Variants in IGFBP7 observed in about 807,000 individuals in gnomAD.
The protein encoded by IGFBP7 is insulin-like growth factor-binding protein 7.
IGFBP7 carries 31 observed loss-of-function variants against 29.4 expected under a neutral mutation model. The ratio of observed to expected loss-of-function variants is 1.05; its 90% CI spans 0.79 to 1.42. The LOEUF is 1.42. Among genes scored for constraint, IGFBP7 ranks in the 40% most tolerant of loss-of-function variants. IGFBP7 has a pLI of 0.00. For synonymous variants in IGFBP7, 172 were observed against 174.9 expected, an observed-to-expected ratio of 0.98 and a Z score of 0.13; for missense variants, 393 against 395.5, an observed-to-expected ratio of 0.99 and a Z score of 0.05.
chr4:57,093,589 A>G (rs1003938178), intron 1 of IGFBP7, among the ~76,000 whole-genome samples: 2 of 152,064 alleles, frequency 1.3e-5, no homozygotes, highest in African/African-American at 4.8e-5. Flanking sequence ...GCCAAACAGT[A>G]TTCTCATCAA....
intron 1 of IGFBP7, among the ~76,000 whole-genome samples, chr4:57,106,723 C>A (rs929835589): frequency 2.6e-5 from 4 of 152,022 alleles, no homozygotes; most frequent in African/African-American, 9.7e-5. Flanking sequence ...AATGGGATTG[C>A]CAAAGAGCTC....
At chr4:57,059,250 T>C (rs912568564) in intron 1 of IGFBP7, among the ~76,000 whole-genome samples, 5 of 152,300 alleles carry the variant, frequency 3.3e-5, no homozygotes, top group East Asian at 1.9e-4. Flanking sequence ...GCTGGATATA[T>C]ACCCAGAGGG....
At chr4:57,061,857 T>C (rs746005373) in intron 1 of IGFBP7, among the ~76,000 whole-genome samples, 1 of 152,110 alleles carries the variant, frequency 6.6e-6, no homozygotes, top group Non-Finnish European at 1.5e-5. Flanking sequence ...TGAGATAGGG[T>C]CTTGCTACGT....
intron 1 of IGFBP7, among the ~76,000 whole-genome samples, chr4:57,108,511 T>C (rs1276618556): frequency 6.6e-6 from 1 of 151,172 alleles, no homozygotes; most frequent in Non-Finnish European, 1.5e-5. Flanking sequence ...TGTATGTGCG[T>C]GTATTTGCAA....
At chr4:57,067,380 A>G (rs1264724123) in intron 1 of IGFBP7, among the ~76,000 whole-genome samples, 1 of 152,244 alleles carries the variant, frequency 6.6e-6, no homozygotes, top group Non-Finnish European at 1.5e-5. Context: ...AAGTGAGATT[A>G]ACTTGTCATA....
chr4:57,040,420 G>A (rs534866585), intron 2 of IGFBP7, among the ~76,000 whole-genome samples: 128 of 152,288 alleles, frequency 8.4e-4, no homozygotes, highest in Non-Finnish European at 1.6e-3. Flanking sequence ...GGGGCTTGGA[G>A]GTGGTATTTT....
chr4:57,108,034 A>T (rs1726078441), intron 1 of IGFBP7, among the ~76,000 whole-genome samples: 1 of 152,262 alleles, frequency 6.6e-6, no homozygotes, highest in Non-Finnish European at 1.5e-5. Flanking sequence ...AATGTTTATA[A>T]GAAAATCTCA....
intron 1 of IGFBP7, among the ~76,000 whole-genome samples, chr4:57,107,771 G>A (rs1189053130): frequency 6.6e-6 from 1 of 152,206 alleles, no homozygotes; most frequent in Non-Finnish European, 1.5e-5. Flanking sequence ...CCCTCAAAGG[G>A]TTTGCAGTCT....
At chr4:57,065,081 C>T (rs1422290286) in intron 1 of IGFBP7, among the ~76,000 whole-genome samples, 3 of 152,232 alleles carry the variant, frequency 2.0e-5, no homozygotes, top group Non-Finnish European at 4.4e-5. Flanking sequence ...TTCCCCTGAG[C>T]CTTGGATCTG....
chr4:57,089,454 T>C (rs1725582890), intron 1 of IGFBP7, among the ~76,000 whole-genome samples: 1 of 152,208 alleles, frequency 6.6e-6, no homozygotes, highest in Non-Finnish European at 1.5e-5. Context: ...ATCTTTCAGA[T>C]AGGACTTCTT....
At chr4:57,051,948 C>T (rs1006355938) in intron 1 of IGFBP7, among the ~76,000 whole-genome samples, 2 of 152,104 alleles carry the variant, frequency 1.3e-5, no homozygotes, top group African/African-American at 2.4e-5. Context: ...AAAACGCTGG[C>T]CTGCCTTGAA....
chr4:57,047,797 C>T (rs908233503), intron 1 of IGFBP7, among the ~76,000 whole-genome samples: 4 of 152,136 alleles, frequency 2.6e-5, no homozygotes, highest in Non-Finnish European at 4.4e-5. Context: ...CACAGTGGTG[C>T]GAACATGGCT....
intron 1 of IGFBP7, among the ~76,000 whole-genome samples, chr4:57,103,038 C>T (rs751323987): frequency 1.3e-5 from 2 of 152,044 alleles, no homozygotes; most frequent in East Asian, 3.9e-4. Flanking sequence ...GAGCAGTCAC[C>T]GAATAAGAAA....
At chr4:57,043,337 T>C (rs774766417) in intron 1 of IGFBP7, among the ~76,000 whole-genome samples, 3 of 152,194 alleles carry the variant, frequency 2.0e-5, no homozygotes, top group Non-Finnish European at 4.4e-5. Context: ...ATTTTAAATC[T>C]CTGCTGACTT....
At chr4:57,101,770 T>C (rs1012346712) in intron 1 of IGFBP7, among the ~76,000 whole-genome samples, 6 of 150,984 alleles carry the variant, frequency 4.0e-5, no homozygotes, top group Non-Finnish European at 7.4e-5. Context: ...ACGGTCTTGA[T>C]TGACCTGGAA....
chr4:57,052,364 T>C (rs984333727), intron 1 of IGFBP7, among the ~76,000 whole-genome samples: 1 of 151,948 alleles, frequency 6.6e-6, no homozygotes, highest in Non-Finnish European at 1.5e-5. Flanking sequence ...GGGGAAAGGG[T>C]GGACTTGGGT....
At chr4:57,103,038 C>A (rs751323987) in intron 1 of IGFBP7, among the ~76,000 whole-genome samples, 23 of 152,044 alleles carry the variant, frequency 1.5e-4, no homozygotes, top group Non-Finnish European at 3.1e-4. Flanking sequence ...GAGCAGTCAC[C>A]GAATAAGAAA....
chr4:57,032,634 A>C (rs1191920699), intron 3 of IGFBP7, 82 bp from the exon 4 acceptor site: 1 of 1,138,338 alleles, frequency 8.8e-7, no homozygotes. Context: ...TTATTTCATA[A>C]ATTTCCTAAG....
intron 1 of IGFBP7, among the ~76,000 whole-genome samples, chr4:57,058,677 C>G (rs940312712): frequency 3.9e-5 from 6 of 152,272 alleles, no homozygotes; most frequent in African/African-American, 1.4e-4. Context: ...CCATTCTGGA[C>G]ATAGGAACAG....
Sources: gnomAD v4.1 joint callset for allele counts (sites outside exome capture counted in the v4.1 genomes callset) on GRCh38, gnomAD v4.1.1 for gene constraint, MANE v1.5 for transcripts, NCBI Gene and HGNC (gene_info 2026-07-23, HGNC 2026-07-21) for gene names.